Variants in NHLRC2 observed in about 807,000 individuals in gnomAD.
NHLRC2 encodes the protein NHL repeat containing 2, also known as NHL repeat-containing protein 2.
A neutral mutation model predicts 68.1 loss-of-function variants in NHLRC2; 33 were observed. That is an observed-to-expected ratio of 0.48 (90% CI 0.37 to 0.65). NHLRC2 has a LOEUF of 0.65. Ranked by LOEUF, NHLRC2 falls within the 30% of genes least tolerant of loss-of-function variation. The pLI, the probability that NHLRC2 is intolerant of heterozygous loss-of-function variation, is 0.00. For synonymous variants in NHLRC2, 311 were observed against 309.6 expected (o/e 1.00, Z -0.05); for missense variants, 761 against 853.8 (o/e 0.89, Z 1.35).
intron 5 of NHLRC2, among the ~76,000 whole-genome samples, chr10:113,884,835 T>A (rs1476708184): frequency 6.6e-6 from 1 of 151,732 alleles, no homozygotes; most frequent in Non-Finnish European, 1.5e-5. Flanking sequence ...GCTTTAGATT[T>A]AAAAAATTTA....
chr10:113,858,756 T>C, intron 2 of NHLRC2, 76 bp downstream of exon 2: 3 of 1,000,578 alleles, frequency 3.0e-6, no homozygotes, highest in Non-Finnish European at 4.5e-6. Context: ...CATTAGCTCA[T>C]AGGAGAATGA....
intron 5 of NHLRC2, among the ~76,000 whole-genome samples, chr10:113,892,796 G>T (rs557563356): frequency 4.7e-4 from 71 of 152,080 alleles, no homozygotes; most frequent in Admixed American, 1.8e-3. Context: ...CATCTTAGTA[G>T]TTGTGTGACT....
At chr10:113,867,303 C>G (rs1845876929) in intron 2 of NHLRC2, among the ~76,000 whole-genome samples, 1 of 152,146 alleles carries the variant, frequency 6.6e-6, no homozygotes. Context: ...TTTATATTTT[C>G]TTTATTCAGT....
intron 5 of NHLRC2, among the ~76,000 whole-genome samples, chr10:113,897,582 A>G (rs1356499227): frequency 6.6e-6 from 1 of 152,198 alleles, no homozygotes; most frequent in Non-Finnish European, 1.5e-5. Flanking sequence ...ACATAACAGA[A>G]TATTTTATGA....
At chr10:113,882,373 T>A (rs1313219033) in intron 4 of NHLRC2, among the ~76,000 whole-genome samples, 1 of 151,820 alleles carries the variant, frequency 6.6e-6, no homozygotes, top group Non-Finnish European at 1.5e-5. Flanking sequence ...TTATTTTTCA[T>A]TTTTTAAAAA....
At position 113,914,494 on chromosome 10, in the gene NHLRC2, GC is replaced by G. The variant is rs1281206955; in HGVS notation, c.*5959del. The G allele has an allele frequency of 6.1e-6, 1 of 163,190 alleles. No homozygotes were observed. Among genetic ancestry groups the G allele is most frequent in the African/African-American group, 2.4e-5 (1 of 41,516 alleles). The allele number at this position is 163,190 out of a possible 1,614,324, so 10.1% of individuals were successfully genotyped here. A position where few individuals can be genotyped will look rare whatever the true frequency, so the allele number is the denominator to read the frequency against. ...ACTAAATACTATTAAAAGGAATTAAGCAAAATGCTACGTACCAATGATTATG... is the reference window on the plus strand; with the variant it reads ...ACTAAATACTATTAAAAGGAATTAAGAAAATGCTACGTACCAATGATTATG... On this transcript the variant is annotated 3_prime_UTR_variant, in exon 11 of 11. Coordinates refer to ENST00000369301, the MANE Select transcript of NHLRC2 (RefSeq NM_198514.4).
intron 1 of NHLRC2, among the ~76,000 whole-genome samples, chr10:113,855,564 T>C (rs1173452307): frequency 6.6e-6 from 1 of 152,144 alleles, no homozygotes; most frequent in Non-Finnish European, 1.5e-5. Context: ...GCCTCCCAGG[T>C]TCAGGCGATT....
At chr10:113,884,428 T>C (rs1846063796) in intron 5 of NHLRC2, 48 bp downstream of exon 5, 1 of 1,518,884 alleles carries the variant, frequency 6.6e-7, no homozygotes, top group East Asian at 2.3e-5. Context: ...TTACTTCATG[T>C]AAGATTTAAA....
At chr10:113,870,488 A>G (rs1201122023) in intron 2 of NHLRC2, among the ~76,000 whole-genome samples, 1 of 152,252 alleles carries the variant, frequency 6.6e-6, no homozygotes, top group Non-Finnish European at 1.5e-5. Flanking sequence ...ACTTTTAAAA[A>G]TAACTGCATA....
At chr10:113,905,600 C>T (rs1846268879) in intron 10 of NHLRC2, among the ~76,000 whole-genome samples, 1 of 152,152 alleles carries the variant, frequency 6.6e-6, no homozygotes, top group South Asian at 2.1e-4. Flanking sequence ...TTTAGTGGTT[C>T]AGAACTTCTA....
intron 2 of NHLRC2, among the ~76,000 whole-genome samples, chr10:113,860,647 C>G (rs1020802460): frequency 6.6e-6 from 1 of 151,516 alleles, no homozygotes; most frequent in Non-Finnish European, 1.5e-5. Context: ...TTAAAGATGC[C>G]CAAATAACTA....
rs141788859 is a variant in NHLRC2, at chr10:113,916,848, A to T, written c.*8312A>T. 4 of 152,192 alleles carry T rather than the reference A, an allele frequency of 2.6e-5. No homozygotes were observed. Among genetic ancestry groups the T allele is most frequent in the Admixed American group, 2.6e-4 (4 of 15,282 alleles). The allele number at this position is 152,192 out of a possible 1,614,324, so 9.4% of individuals were successfully genotyped here. On this transcript the variant is annotated 3_prime_UTR_variant, in exon 11 of 11. Coordinates refer to ENST00000369301, the MANE Select transcript of NHLRC2 (RefSeq NM_198514.4). ...TAAAAATGCAGCGAAAATCCAATCT[A>T]CAAGTTCATATATTGGTATTTCTAG... is the stretch of plus-strand genomic sequence containing the variant.
chr10:113,892,729 A>G (rs1469510692), intron 5 of NHLRC2, among the ~76,000 whole-genome samples: 6 of 152,046 alleles, frequency 3.9e-5, no homozygotes, highest in Non-Finnish European at 1.5e-5. Flanking sequence ...GAAGTGGTCT[A>G]GCACGGTGGC....
At chr10:113,896,204 GAC>G (rs1846176004) in intron 5 of NHLRC2, among the ~76,000 whole-genome samples, 1 of 152,032 alleles carries the variant, frequency 6.6e-6, no homozygotes, top group Non-Finnish European at 1.5e-5. Context: ...CTACTATAAA[GAC>G]ACATGCACGT....
Position 113,904,915 on chromosome 10 carries a change from T to C in NHLRC2, c.1803T>C (p.Ile601=). 1 of 1,609,022 alleles carries C rather than the reference T, an allele frequency of 6.2e-7. No individual in the cohort carries two copies. Among genetic ancestry groups the C allele is most frequent in the Non-Finnish European group, 8.5e-7 (1 of 1,178,334 alleles). Residue 601 remains isoleucine, a synonymous_variant, in exon 10 of 11, where the codon ATT becomes ATC. Coordinates refer to ENST00000369301, the MANE Select transcript of NHLRC2 (RefSeq NM_198514.4). The part of the protein sequence containing the change: ...LPKLPKSAPS[I]RLSPVTACAG... ...AACTACCTAAATCTGCTCCAAGCATTAGGCTTTCCCCCGTGACTGCGTGTG... is the reference window on the plus strand; with the variant it reads ...AACTACCTAAATCTGCTCCAAGCATCAGGCTTTCCCCCGTGACTGCGTGTG...
At chr10:113,896,887 G>A (rs573701637) in intron 5 of NHLRC2, among the ~76,000 whole-genome samples, 468 of 151,702 alleles carry the variant, frequency 3.1e-3, no homozygotes, top group Admixed American at 8.3e-3. Context: ...CCAGCTACTC[G>A]GGAGGCTGAG....
intron 5 of NHLRC2, among the ~76,000 whole-genome samples, chr10:113,892,182 G>A (rs1395327538): frequency 6.6e-6 from 1 of 152,066 alleles, no homozygotes; most frequent in Non-Finnish European, 1.5e-5. Context: ...TACTTAAAAT[G>A]ACAGAATTTT....
chr10:113,875,950 G>A (rs116927338), intron 2 of NHLRC2, among the ~76,000 whole-genome samples: 3,640 of 147,756 alleles, frequency 0.025, 71 homozygotes, highest in South Asian at 0.048. Context: ...TTGAAATAAT[G>A]TATTGATTAG....
chr10:113,874,764 T>C (rs1845963062), intron 2 of NHLRC2, among the ~76,000 whole-genome samples: 2 of 152,226 alleles, frequency 1.3e-5, no homozygotes, highest in Admixed American at 6.5e-5. Flanking sequence ...TCTCTCTTTA[T>C]GTTCTTTAGA....
Sources: allele counts gnomAD v4.1 joint callset (sites outside exome capture counted in the v4.1 genomes callset), GRCh38; gene constraint gnomAD v4.1.1; transcripts MANE v1.5; gene names NCBI Gene and HGNC (gene_info 2026-07-23, HGNC 2026-07-21).